DNAJB14: variants seen among roughly 807,000 people sequenced by gnomAD.
DNAJB14 encodes dnaJ homolog subfamily B member 14.
DNAJB14 carries 22 observed loss-of-function variants against 48.4 expected under a neutral mutation model. The observed-to-expected ratio is 0.45, with a 90% CI of 0.32 to 0.65. The LOEUF is 0.65. Among genes scored for constraint, DNAJB14 ranks in the 30% least tolerant of loss-of-function variants. DNAJB14 has a pLI of 0.03. For synonymous variants in DNAJB14, 142 were observed against 158.7 expected (o/e 0.89, Z 0.79); for missense variants, 319 against 458.8 (o/e 0.70, Z 2.78).
In DNAJB14 at chr4:99,946,524, C is replaced by T; in HGVS notation, c.48G>A (p.Arg16=). ...CGCGGTTGCCGGCGTTCAGGGCCTC[C>T]CGGGCGATCTCGACACATTTCTCAG... ...DEAEKCVEIA[R]EALNAGNREK... Residue 16 remains arginine, a synonymous_variant, in exon 1 of 8, where the codon CGG becomes CGA. Transcript: ENST00000442697. The T allele has an allele frequency of 6.2e-7, 1 of 1,613,932 alleles. No homozygotes were observed. The highest frequency in any genetic ancestry group is 1.3e-5 in the African/African-American group (1 of 75,052).
chr4:99,900,948 CT>C lies in DNAJB14; in HGVS notation c.*79del. 1 of 1,446,794 alleles carries C rather than the reference CT, an allele frequency of 6.9e-7. No homozygotes were observed. The highest frequency in any genetic ancestry group is 1.4e-5 in the South Asian group (1 of 72,926). The allele number at this position is 1,446,794 out of a possible 1,614,324, so 89.6% of individuals were successfully genotyped here. A position where few individuals can be genotyped will look rare whatever the true frequency, so the allele number is the denominator to read the frequency against. On this transcript the variant is annotated 3_prime_UTR_variant, in exon 8 of 8. Transcript: ENST00000442697. ...TTAGTTTTCAGTATCAAATCTTTTC[CT>C]TCATCCCTCATGATGAAACCAAACT...
chr4:99,945,437 C>A (rs1727034422), intron 1 of DNAJB14, among the ~76,000 whole-genome samples: 1 of 152,146 alleles, frequency 6.6e-6, no homozygotes, highest in Non-Finnish European at 1.5e-5. Context: ...TTCTTCTTAA[C>A]CTGGAAATAC....
chr4:99,935,623 G>A (rs555254744), intron 1 of DNAJB14, among the ~76,000 whole-genome samples: 3 of 152,288 alleles, frequency 2.0e-5, no homozygotes, highest in East Asian at 3.9e-4. Flanking sequence ...CTGTAGATAC[G>A]GTTTGAATAT....
chr4:99,898,526 T>C lies in DNAJB14; in HGVS notation c.*2502A>G, dbSNP rs1174884740. On this transcript the variant is annotated 3_prime_UTR_variant, in exon 8 of 8. Transcript: ENST00000442697. Reference sequence around the variant, plus strand: ...AAAAGAAGAGGAGAAAGGTACTATTTTTCATTTCCCCCAAACCCTCACAAG... The same window carrying C: ...AAAAGAAGAGGAGAAAGGTACTATTCTTCATTTCCCCCAAACCCTCACAAG... The C allele has an allele frequency of 1.3e-5, 2 of 151,984 alleles. No homozygotes were observed. Among genetic ancestry groups the C allele is most frequent in the Non-Finnish European group, 2.9e-5 (2 of 67,850 alleles). 9.4% of individuals were successfully genotyped at this position (151,984 alleles called of 1,614,324 possible). A position where few individuals can be genotyped will look rare whatever the true frequency, so the allele number is the denominator to read the frequency against.
At chr4:99,928,517 C>A (rs560208337) in intron 2 of DNAJB14, 6 of 429,652 alleles carry the variant, frequency 1.4e-5, no homozygotes, top group South Asian at 9.9e-5. Context: ...ACCAACCCCA[C>A]CCCACATATA....
chr4:99,940,947 A>AT (rs1726868676), intron 1 of DNAJB14, among the ~76,000 whole-genome samples: 2 of 150,702 alleles, frequency 1.3e-5, no homozygotes, highest in African/African-American at 4.9e-5. Context: ...CTATATATAT[A>AT]TATATTTTTT....
intron 1 of DNAJB14, among the ~76,000 whole-genome samples, chr4:99,933,938 A>G (rs553578430): frequency 6.6e-5 from 10 of 152,230 alleles, no homozygotes; most frequent in Non-Finnish European, 1.3e-4. Flanking sequence ...TCTATATAGC[A>G]CAACAGGCAA....
intron 2 of DNAJB14, chr4:99,927,947 T>G (rs1201909495): frequency 6.6e-6 from 1 of 152,158 alleles, no homozygotes; most frequent in Non-Finnish European, 1.5e-5. Flanking sequence ...AGAGAAAAGG[T>G]ATATTCAGCT....
chr4:99,946,345 C>G (rs1283498657), intron 1 of DNAJB14, 94 bp downstream of exon 1: 1 of 1,529,874 alleles, frequency 6.5e-7, no homozygotes, highest in African/African-American at 1.4e-5. Context: ...CCGGGGGCCC[C>G]GCAGGCCTCC....
chr4:99,913,128 TAAC>T (rs1433692376), intron 3 of DNAJB14, among the ~76,000 whole-genome samples: 2 of 152,250 alleles, frequency 1.3e-5, no homozygotes, highest in African/African-American at 2.4e-5. Flanking sequence ...CATTTGCACA[TAAC>T]AACAGTTTTA....
chr4:99,922,417 A>G (rs1726092953), intron 3 of DNAJB14: 1 of 152,170 alleles, frequency 6.6e-6, no homozygotes, highest in Non-Finnish European at 1.5e-5. Flanking sequence ...TTACAAATAA[A>G]TTGTATTTAA....
In DNAJB14 at chr4:99,925,198, A is replaced by G. The variant is rs150560515; in HGVS notation, c.306-2013T>C. On this transcript the variant is annotated intron_variant, in intron 2 of 7. Transcript: ENST00000442697. ...ACTTTAAATAATCTCTAGGTTATAA[A>G]TAGTACCTAAGACAATGTAAATGCT... The G allele has an allele frequency of 9.5e-3, 1,753 of 185,244 alleles. 8 individuals carry two copies. The highest frequency in any genetic ancestry group is 0.018 in the South Asian group (135 of 7,510). The allele number at this position is 185,244 out of a possible 1,614,324, so 11.5% of individuals were successfully genotyped here.
chr4:99,924,865 A>T, intron 2 of DNAJB14: 1 of 1,361,470 alleles, frequency 7.3e-7, no homozygotes, highest in Non-Finnish European at 1.0e-6. Flanking sequence ...TAAAAAACTG[A>T]ATTCAACTGT....
intron 6 of DNAJB14, 139 bp from the exon 7 acceptor site, chr4:99,904,037 T>C: frequency 1.1e-6 from 1 of 891,568 alleles, no homozygotes; most frequent in Non-Finnish European, 1.7e-6. Flanking sequence ...AATCCGAAAC[T>C]CTGAAATCCG....
intron 1 of DNAJB14, among the ~76,000 whole-genome samples, chr4:99,935,434 TC>T (rs964797114): frequency 6.6e-6 from 1 of 152,294 alleles, no homozygotes; most frequent in African/African-American, 2.4e-5. Flanking sequence ...GGAGCTTAGT[TC>T]CCACAAGCCC....
rs1725211983 is a variant in DNAJB14, at chr4:99,899,047, A to C, written c.*1981T>G. 6.6e-6 allele frequency: 1 copy of C among 151,948 alleles called. No individual in the cohort carries two copies. The highest frequency in any genetic ancestry group is 1.5e-5 in the Non-Finnish European group (1 of 67,818). 9.4% of individuals were successfully genotyped at this position (151,948 alleles called of 1,614,324 possible). On this transcript the variant is annotated 3_prime_UTR_variant, in exon 8 of 8. Transcript: ENST00000442697. The stretch of plus-strand genomic sequence containing the variant: ...AAATTTAATGGAATGCAGCACTGCA[A>C]CTGAAATATAATACTGTCCAAAAGC...
intron 2 of DNAJB14, chr4:99,926,259 T>A (rs1726249460): frequency 1.3e-5 from 2 of 152,174 alleles, no homozygotes; most frequent in Admixed American, 6.6e-5. Flanking sequence ...GATCACAGAT[T>A]CTTTGAAGGC....
In DNAJB14 at chr4:99,901,093, C is replaced by T. The variant is rs1725279970; in HGVS notation, c.1075G>A (p.Asp359Asn). ...YRDDRLRRKA[D>N]ALSMDNCKEL... ...TTACAGTTGTCCATGCTCAAGGCAT[C>T]TGCCTTCCTTCGGAGTCGATCATCA... Residue 359 changes from aspartate (D) to asparagine (N), a missense_variant, in exon 8 of 8, where the codon GAT becomes AAT. By Grantham distance (23) the Asp-to-Asn change is conservative. Coordinates refer to ENST00000442697, the MANE Select transcript of DNAJB14 (RefSeq NM_001031723.4). 11 of 1,611,008 alleles carry T rather than the reference C, an allele frequency of 6.8e-6. No homozygotes were observed. The highest frequency in any genetic ancestry group is 9.3e-6 in the Non-Finnish European group (11 of 1,179,308).
At chr4:99,907,018 T>G in intron 4 of DNAJB14, among the ~76,000 whole-genome samples, 1 of 152,196 alleles carries the variant, frequency 6.6e-6, no homozygotes, top group East Asian at 1.9e-4. Flanking sequence ...AAATTCATTT[T>G]TAAAAAATAG....
Sources: allele counts gnomAD v4.1 joint callset (sites outside exome capture counted in the v4.1 genomes callset), GRCh38; gene constraint gnomAD v4.1.1; transcripts MANE v1.5; gene names NCBI Gene and HGNC (gene_info 2026-07-23, HGNC 2026-07-21).